The following KIF13A variants were observed in gnomAD, a reference collection of about 807,000 sequenced individuals.
The protein encoded by KIF13A is kinesin-like protein KIF13A.
KIF13A carries 79 observed loss-of-function variants against 212.2 expected under a neutral mutation model. The observed-to-expected ratio is 0.37, with a 90% CI of 0.31 to 0.45. KIF13A has a LOEUF of 0.45. Ranked by LOEUF, KIF13A falls within the 20% of genes least tolerant of loss-of-function variation. The pLI is 1.00. For synonymous variants in KIF13A, 789 were observed against 808.6 expected (o/e 0.98, Z 0.41); for missense variants, 1,901 against 2,209.0 (o/e 0.86, Z 2.79).
chr6:17,880,627 CAAAA>C (rs34817140), intron 3 of KIF13A, among the ~76,000 whole-genome samples: 2 of 69,320 alleles, frequency 2.9e-5, no homozygotes, highest in Non-Finnish European at 2.7e-5. Flanking sequence ...GACTCTGTCT[CAAAA>C]AAAAAAAAAA....
In KIF13A at chr6:17,800,065, G is replaced by A; in HGVS notation, c.2503C>T (p.Pro835Ser). ...GAGTCATCCTCCACCACACGCTCTGGAACAGCTCCTGTAACACGCATCACT... is the reference window on the plus strand; with the variant it reads ...GAGTCATCCTCCACCACACGCTCTGAAACAGCTCCTGTAACACGCATCACT... ...VEVMRVTGAVPERVVEDDSSE... is the reference protein window; with the variant it reads ...VEVMRVTGAVSERVVEDDSSE... Residue 835 changes from proline (P) to serine (S), a missense_variant, in exon 21 of 39, where the codon CCA becomes TCA. Coordinates refer to ENST00000259711, the MANE Select transcript of KIF13A (RefSeq NM_022113.6). 1 of 1,613,886 alleles carries A rather than the reference G, an allele frequency of 6.2e-7. No homozygotes were observed. The highest frequency in any genetic ancestry group is 8.5e-7 in the Non-Finnish European group (1 of 1,179,874).
At chr6:17,868,518 T>C (rs1769640982) in intron 4 of KIF13A, among the ~76,000 whole-genome samples, 3 of 151,816 alleles carry the variant, frequency 2.0e-5, no homozygotes, top group African/African-American at 4.8e-5. Flanking sequence ...AGAAATGCCA[T>C]GCTCCAGGTA....
Position 17,794,867 on chromosome 6 carries a change from ATTGT to A in KIF13A, c.2943-167_2943-164del. ...TTAACTCTCAAAACCAACCTGTCAT[ATTGT>A]TTCTTTTTATTTATTTTACTGAGGT... On this transcript the variant is annotated intron_variant, in intron 23 of 38. Coordinates refer to ENST00000259711, the MANE Select transcript of KIF13A (RefSeq NM_022113.6). The surrounding 1 kb of genome is among the most constrained non-coding windows in gnomAD (Gnocchi z 4.1). 1 of 638,112 alleles carries A rather than the reference ATTGT, an allele frequency of 1.6e-6. No individual in the cohort carries two copies. The highest frequency in any genetic ancestry group is 2.6e-6 in the Non-Finnish European group (1 of 389,928). 39.5% of individuals were successfully genotyped at this position (638,112 alleles called of 1,614,324 possible).
In KIF13A at chr6:17,968,373, C is replaced by T. The variant is rs905287257; in HGVS notation, c.146+18681G>A. 1.3e-5 allele frequency among the ~76,000 whole-genome samples: 2 copies of T among 152,212 alleles called. No individual in the cohort carries two copies. The highest frequency in any genetic ancestry group is 4.8e-5 in the African/African-American group (2 of 41,452). The stretch of plus-strand genomic sequence containing the variant: ...CTCAATTCTTTCACTCCAGTCCTCT[C>T]TCCCTATGACAACAGGAGGAACAGC... On this transcript the variant is annotated intron_variant, in intron 2 of 38. Coordinates refer to ENST00000259711, the MANE Select transcript of KIF13A (RefSeq NM_022113.6). The surrounding 1 kb of genome is among the most constrained non-coding windows in gnomAD (Gnocchi z 4.7).
chr6:17,787,625 TG>T lies in KIF13A; in HGVS notation c.3361+150del, dbSNP rs1761170756. On this transcript the variant is annotated intron_variant, in intron 27 of 38. Transcript: ENST00000259711. This position sits in a 1 kb window ranked among gnomAD's most constrained non-coding sequence, Gnocchi z 4.6. ...ATGATCCTGCCACTGCACTCCAGCT[TG>T]GGTGACAGAGTGAGACCCTGTCTTA... The T allele has an allele frequency of 5.0e-5, 30 of 601,252 alleles. No homozygotes were observed. The South Asian group carries it at 6.2e-4, about 12-fold the overall frequency. 37.2% of individuals were successfully genotyped at this position (601,252 alleles called of 1,614,324 possible). A position where few individuals can be genotyped will look rare whatever the true frequency, so the allele number is the denominator to read the frequency against.
chr6:17,966,367 A>G (rs575470137), intron 2 of KIF13A, among the ~76,000 whole-genome samples: 1 of 152,104 alleles, frequency 6.6e-6, no homozygotes, highest in Non-Finnish European at 1.5e-5. Context: ...TAGTATACCC[A>G]TTAGAATTTG....
Position 17,799,534 on chromosome 6 carries a change from T to C in KIF13A, c.2617-95A>G. The C allele has an allele frequency of 9.4e-7, 1 of 1,060,634 alleles. No homozygotes were observed. Among genetic ancestry groups the C allele is most frequent in the Non-Finnish European group, 1.3e-6 (1 of 750,104 alleles). The allele number at this position is 1,060,634 out of a possible 1,614,324, so 65.7% of individuals were successfully genotyped here. Reference sequence around the variant, plus strand: ...ATTTAAGAGTAAGCGATGAAACAAATTGGTCATCCATTTGACATGTGAAAA... The same window carrying C: ...ATTTAAGAGTAAGCGATGAAACAAACTGGTCATCCATTTGACATGTGAAAA... On this transcript the variant is annotated intron_variant, in intron 21 of 38. Transcript: ENST00000259711. The surrounding 1 kb of genome is among the most constrained non-coding windows in gnomAD (Gnocchi z 4.4).
Position 17,898,324 on chromosome 6 carries a change from C to A in KIF13A, c.147-144G>T. On this transcript the variant is annotated intron_variant, in intron 2 of 38. Coordinates refer to ENST00000259711, the MANE Select transcript of KIF13A (RefSeq NM_022113.6). This position sits in a 1 kb window ranked among gnomAD's most constrained non-coding sequence, Gnocchi z 5.2. The stretch of plus-strand genomic sequence containing the variant: ...ACATGATCTGAAAGATATTCTTCTT[C>A]ATGAAGATCAGAAGCCAAATTCAAA... 1.3e-6 allele frequency: 1 copy of A among 760,702 alleles called. No homozygotes were observed. The highest frequency in any genetic ancestry group is 2.1e-6 in the Non-Finnish European group (1 of 473,144). The allele number at this position is 760,702 out of a possible 1,614,324, so 47.1% of individuals were successfully genotyped here.
intron 29 of KIF13A, among the ~76,000 whole-genome samples, chr6:17,782,810 T>C (rs1022718016): frequency 2.6e-5 from 4 of 152,220 alleles, no homozygotes; most frequent in African/African-American, 9.7e-5. Context: ...GGGAGAAATA[T>C]GAAGATTATC....
At chr6:17,840,387 A>ATT (rs11395161) in intron 9 of KIF13A, among the ~76,000 whole-genome samples, 2 of 152,194 alleles carry the variant, frequency 1.3e-5, no homozygotes, top group African/African-American at 4.8e-5. Flanking sequence ...AATACAGGGC[A>ATT]TTTTTTTCAC....
In KIF13A at chr6:17,967,527, A is replaced by G. The variant is rs1779432247; in HGVS notation, c.146+19527T>C. Among the ~76,000 whole-genome samples, 2 of 152,262 alleles carry G rather than the reference A, an allele frequency of 1.3e-5. No homozygotes were observed. The highest frequency in any genetic ancestry group is 4.1e-4 in the South Asian group (2 of 4,834). Reference sequence around the variant, plus strand: ...ATGGAAAACTAAACTTCTCTAGGGCAGAGAAAACTATCCGAAGTCTTTCTG... The same window carrying G: ...ATGGAAAACTAAACTTCTCTAGGGCGGAGAAAACTATCCGAAGTCTTTCTG... On this transcript the variant is annotated intron_variant, in intron 2 of 38. Coordinates refer to ENST00000259711, the MANE Select transcript of KIF13A (RefSeq NM_022113.6). The surrounding 1 kb of genome is among the most constrained non-coding windows in gnomAD (Gnocchi z 4.1).
downstream of KIF13A, chr6:17,760,064 G>C (rs1252022913): frequency 2.0e-5 from 3 of 152,230 alleles, no homozygotes; most frequent in Non-Finnish European, 4.4e-5. Context: ...GAATATAGCT[G>C]TGAGATTTCT....
At chr6:17,975,708 T>C (rs960294790) in intron 2 of KIF13A, among the ~76,000 whole-genome samples, 1 of 152,188 alleles carries the variant, frequency 6.6e-6, no homozygotes, top group Non-Finnish European at 1.5e-5. Flanking sequence ...TTACAATCCC[T>C]GAGCTAGACA....
intron 2 of KIF13A, among the ~76,000 whole-genome samples, chr6:17,980,575 C>G (rs1780974951): frequency 6.6e-6 from 1 of 151,906 alleles, no homozygotes; most frequent in South Asian, 2.1e-4. Context: ...TAGAGAGCAC[C>G]TGATATGTTT....
chr6:17,860,268 A>C (rs1016618378), intron 4 of KIF13A, among the ~76,000 whole-genome samples: 2 of 152,018 alleles, frequency 1.3e-5, no homozygotes, highest in Non-Finnish European at 2.9e-5. Context: ...AGCTCACTGC[A>C]ACCTCTGCCA....
At chr6:17,817,311 G>T in intron 16 of KIF13A, 78 bp from the exon 17 acceptor site, 1 of 1,284,340 alleles carries the variant, frequency 7.8e-7, no homozygotes, top group Non-Finnish European at 1.1e-6. Context: ...GCAGCCTGTG[G>T]GAGGCTTCCT....
In KIF13A at chr6:17,776,379, T is replaced by G. The variant is rs113287325; in HGVS notation, c.4170+898A>C. Among the ~76,000 whole-genome samples, 839 of 152,336 alleles carry G rather than the reference T, an allele frequency of 5.5e-3. 6 individuals are homozygous for G. The highest frequency in any genetic ancestry group is 0.019 in the African/African-American group (795 of 41,566). On this transcript the variant is annotated intron_variant, in intron 34 of 38. Transcript: ENST00000259711. The surrounding 1 kb of genome is among the most constrained non-coding windows in gnomAD (Gnocchi z 4.6). The stretch of plus-strand genomic sequence containing the variant: ...GCTGCATTGCACAAACACTGATCTA[T>G]GTATCATTTTTATTCTCATTTAGTT...
At position 17,764,815 on chromosome 6, in the gene KIF13A, G is replaced by C; in HGVS notation, c.4713C>G (p.Ser1571=). The change falls in exon 39 of 39, where the codon TCC becomes TCG. Residue 1571 remains serine (S), a synonymous_variant. Coordinates refer to ENST00000259711, the MANE Select transcript of KIF13A (RefSeq NM_022113.6). The surrounding 1 kb of genome is among the most constrained non-coding windows in gnomAD (Gnocchi z 5.1). ...GTGAGTTTGACAGATCTACTTTAGAGGAAAACCATTCCCTGTTCTCCAAGC... is the reference window on the plus strand; with the variant it reads ...GTGAGTTTGACAGATCTACTTTAGACGAAAACCATTCCCTGTTCTCCAAGC... ...NASLENREWF[S]SKVDLSNSRV... 1 of 1,613,588 alleles carries C rather than the reference G, an allele frequency of 6.2e-7. No homozygotes were observed. Among genetic ancestry groups the C allele is most frequent in the Non-Finnish European group, 8.5e-7 (1 of 1,179,722 alleles).
At chr6:17,940,500 A>C (rs963994725) in intron 2 of KIF13A, among the ~76,000 whole-genome samples, 1 of 152,244 alleles carries the variant, frequency 6.6e-6, no homozygotes, top group Non-Finnish European at 1.5e-5. Context: ...GTCAAAAATC[A>C]ACCACAGATA....
Sources: allele counts gnomAD v4.1 joint callset (sites outside exome capture counted in the v4.1 genomes callset), GRCh38; gene constraint gnomAD v4.1.1; non-coding constraint Gnocchi (gnomAD v3.1); transcripts MANE v1.5; gene names NCBI Gene and HGNC (gene_info 2026-07-23, HGNC 2026-07-21).